The following CYFIP1 variants were observed in gnomAD, a reference collection of about 807,000 sequenced individuals.
CYFIP1 encodes the protein cytoplasmic FMR1-interacting protein 1.
CYFIP1 carries 58 observed loss-of-function variants against 163.5 expected under a neutral mutation model. The ratio of observed to expected loss-of-function variants is 0.35; its 90% CI spans 0.29 to 0.44. The LOEUF is 0.44. Ranked by LOEUF, CYFIP1 falls within the 20% of genes least tolerant of loss-of-function variation. The pLI is 1.00. For missense variants in CYFIP1, 1,338 were observed against 1,653.8 expected (o/e 0.81, Z 3.31); for synonymous variants, 663 against 660.7 (o/e 1.00, Z -0.05).
chr15:22,870,577 CTG>C (rs2059407166), intron 30 of CYFIP1, among the ~76,000 whole-genome samples: 1 of 152,206 alleles, frequency 6.6e-6, no homozygotes, highest in African/African-American at 2.4e-5. Context: ...GCCTCCCAAA[CTG>C]TTGGGATTAC....
At chr15:22,926,490 A>G (rs1176537663) in intron 12 of CYFIP1, among the ~76,000 whole-genome samples, 1 of 152,204 alleles carries the variant, frequency 6.6e-6, no homozygotes, top group Non-Finnish European at 1.5e-5. Flanking sequence ...TGAGCAATAT[A>G]GTGAGGCCTC....
In CYFIP1 at chr15:22,903,853, C is replaced by T. The variant is rs147972810; in HGVS notation, c.2441G>A (p.Arg814Gln). ...INRMTHKLLS[R>Q]YLTLDGFDAM... Reference sequence around the variant, plus strand: ...GTCGAAGCCGTCCAGCGTCAGGTACCGGCTCAGCAGCTTGTGGGTCATGCG... The same window carrying T: ...GTCGAAGCCGTCCAGCGTCAGGTACTGGCTCAGCAGCTTGTGGGTCATGCG... The change falls in exon 22 of 31, where the codon CGG (arginine) becomes CAG (glutamine). Residue 814 changes from arginine to glutamine, a missense_variant. This residue lies in a region of CYFIP1 where 824 missense variants were observed against 995.7 expected (regional missense o/e 0.83). Coordinates refer to ENST00000617928, the MANE Select transcript of CYFIP1 (RefSeq NM_014608.6). 2.4e-4 allele frequency: 393 copies of T among 1,614,158 alleles called. 1 individual carries two copies. Among genetic ancestry groups the T allele is most frequent in the East Asian group, 3.6e-4 (16 of 44,874 alleles).
chr15:22,926,667 T>C (rs1315281946), intron 12 of CYFIP1, among the ~76,000 whole-genome samples: 1 of 152,124 alleles, frequency 6.6e-6, no homozygotes, highest in Non-Finnish European at 1.5e-5. Context: ...CCAGAAATAA[T>C]TTACTAATGT....
Position 22,914,836 on chromosome 15 carries a change from C to G in CYFIP1, c.1875G>C (p.Glu625Asp), listed in dbSNP as rs773354590. ...TGCCCATGGTCAGCTCCAGGAAGAA[C>G]TCTCGGAACCACAGCTGCGAAAGGT... is the stretch of plus-strand genomic sequence containing the variant. ...CCDLSQLWFR[E>D]FFLELTMGRR... The change falls in exon 17 of 31, where the codon GAG becomes GAC. Residue 625 changes from glutamate to aspartate, a missense_variant. Coordinates refer to ENST00000617928, the MANE Select transcript of CYFIP1 (RefSeq NM_014608.6). The G allele has an allele frequency of 2.5e-6, 4 of 1,613,606 alleles. No homozygotes were observed. Among genetic ancestry groups the G allele is most frequent in the Non-Finnish European group, 2.5e-6 (3 of 1,179,766 alleles).
intron 11 of CYFIP1, among the ~76,000 whole-genome samples, chr15:22,931,461 A>G (rs989761064): frequency 6.6e-6 from 1 of 152,016 alleles, no homozygotes; most frequent in African/African-American, 2.4e-5. Flanking sequence ...ACGTCTTCTG[A>G]CAGCCACCCA....
At chr15:22,975,561 G>A (rs1459305729) in intron 1 of CYFIP1, among the ~76,000 whole-genome samples, 1 of 151,718 alleles carries the variant, frequency 6.6e-6, no homozygotes, top group African/African-American at 2.4e-5. Context: ...AGGAGGTCGA[G>A]ATCAGCCTGA....
At chr15:22,905,865 T>G (rs1030052883) in intron 21 of CYFIP1, among the ~76,000 whole-genome samples, 38 of 151,912 alleles carry the variant, frequency 2.5e-4, no homozygotes, top group Non-Finnish European at 7.4e-5. Context: ...GTTCCTGCCA[T>G]TCTCCTGCCT....
chr15:22,903,643 C>A, intron 22 of CYFIP1, 63 bp downstream of exon 22: 9 of 1,558,328 alleles, frequency 5.8e-6, no homozygotes, highest in East Asian at 4.5e-5. Flanking sequence ...ATGGAGGAAG[C>A]CTGCGGGGAC....
chr15:22,899,300 AAT>A (rs2060325627), intron 22 of CYFIP1, among the ~76,000 whole-genome samples: 5 of 152,182 alleles, frequency 3.3e-5, no homozygotes, highest in African/African-American at 1.2e-4. Flanking sequence ...TGGAATTGGA[AAT>A]ATCAGTATAA....
chr15:22,887,171 G>A (rs183409894), intron 23 of CYFIP1, among the ~76,000 whole-genome samples: 296 of 152,246 alleles, frequency 1.9e-3, no homozygotes, highest in Non-Finnish European at 2.4e-3. Flanking sequence ...AACTGCAGCT[G>A]TAAGACTCTG....
chr15:22,872,766 C>T, intron 30 of CYFIP1, 59 bp downstream of exon 30: 3 of 1,561,494 alleles, frequency 1.9e-6, no homozygotes, highest in Non-Finnish European at 2.6e-6. Flanking sequence ...ACTTATAACA[C>T]AAAGAAAGTA....
At chr15:22,884,472 G>A (rs954223887) in intron 23 of CYFIP1, among the ~76,000 whole-genome samples, 11 of 152,148 alleles carry the variant, frequency 7.2e-5, no homozygotes, top group African/African-American at 2.2e-4. Context: ...CTTTGACTCC[G>A]TGTCTCTCAT....
At chr15:22,889,133 C>T (rs578204306) in intron 23 of CYFIP1, among the ~76,000 whole-genome samples, 5 of 152,164 alleles carry the variant, frequency 3.3e-5, no homozygotes, top group South Asian at 2.1e-4. Flanking sequence ...GTTTCTGAAA[C>T]GGAGGCAGAA....
rs1319485478 is a variant in CYFIP1, at chr15:22,869,046, T to TCTGA, written c.*978_*981dup. 6.6e-6 allele frequency: 1 copy of TCTGA among 152,212 alleles called. No individual in the cohort carries two copies. Among genetic ancestry groups the TCTGA allele is most frequent in the African/African-American group, 2.4e-5 (1 of 41,452 alleles). The allele number at this position is 152,212 out of a possible 1,614,324, so 9.4% of individuals were successfully genotyped here. A position where few individuals can be genotyped will look rare whatever the true frequency, so the allele number is the denominator to read the frequency against. ...GTAGTCTAGACCGATTGTTTTTCAT[T>TCTGA]CTGACAGATCATGTGAACCAGCTCC... On this transcript the variant is annotated 3_prime_UTR_variant, in exon 31 of 31. Transcript: ENST00000617928.
intron 13 of CYFIP1, among the ~76,000 whole-genome samples, chr15:22,921,793 G>A (rs1032782074): frequency 6.2e-5 from 9 of 145,258 alleles, no homozygotes; most frequent in Admixed American, 4.1e-4. Context: ...AAAGAAGCAC[G>A]AGTTACCAGC....
At chr15:22,975,338 C>CG (rs1277775862) in intron 1 of CYFIP1, among the ~76,000 whole-genome samples, 1 of 139,536 alleles carries the variant, frequency 7.2e-6, no homozygotes, top group African/African-American at 2.6e-5. Flanking sequence ...GGCATGGTGG[C>CG]GGGTGCCTGT....
intron 1 of CYFIP1, among the ~76,000 whole-genome samples, chr15:22,969,414 A>G (rs2063014177): frequency 6.6e-6 from 1 of 152,228 alleles, no homozygotes; most frequent in Non-Finnish European, 1.5e-5. Flanking sequence ...ACAGATGCAC[A>G]TCAGGCTTAA....
At chr15:22,893,077 C>A in intron 22 of CYFIP1, 100 bp from the exon 23 acceptor site, 1 of 803,412 alleles carries the variant, frequency 1.2e-6, no homozygotes, top group South Asian at 1.6e-5. Context: ...ATCTTCCTCC[C>A]AGTCAACTGA....
At chr15:22,907,568 G>A (rs2060626341) in intron 21 of CYFIP1, among the ~76,000 whole-genome samples, 1 of 152,292 alleles carries the variant, frequency 6.6e-6, no homozygotes, top group Admixed American at 6.5e-5. Flanking sequence ...TGTGCATTTT[G>A]TTAGAAAATG....
Sources: gnomAD v4.1 joint callset for allele counts (sites outside exome capture counted in the v4.1 genomes callset) on GRCh38, gnomAD v4.1.1 for gene constraint, gnomAD v4.1.1 regional missense constraint, MANE v1.5 for transcripts, NCBI Gene and HGNC (gene_info 2026-07-23, HGNC 2026-07-21) for gene names.